SMARCC1: variants seen among roughly 807,000 people sequenced by gnomAD.
SMARCC1 encodes SWI/SNF related BAF chromatin remodeling complex subunit C1, also known as SWI/SNF complex subunit SMARCC1.
SMARCC1 carries 43 observed loss-of-function variants against 147.4 expected under a neutral mutation model. That is an observed-to-expected ratio of 0.29 (90% CI 0.23 to 0.38). The LOEUF is 0.38. SMARCC1 is among the 10% of genes least tolerant of loss of function. SMARCC1 has a pLI of 1.00. For missense variants in SMARCC1, 1,119 were observed against 1,381.1 expected (o/e 0.81, Z 3.01); for synonymous variants, 495 against 484.4 (o/e 1.02, Z -0.29).
intron 27 of SMARCC1, among the ~76,000 whole-genome samples, chr3:47,589,176 T>C (rs1310211329): frequency 6.6e-6 from 1 of 152,124 alleles, no homozygotes; most frequent in Non-Finnish European, 1.5e-5. Context: ...GTGGAGGAAA[T>C]GAAGGGCTGA....
At chr3:47,770,873 G>A (rs1368669734) in intron 2 of SMARCC1, among the ~76,000 whole-genome samples, 2 of 151,920 alleles carry the variant, frequency 1.3e-5, no homozygotes, top group Non-Finnish European at 2.9e-5. Context: ...CACATTTACA[G>A]CAAGATCACC....
chr3:47,644,362 G>T (rs1350582218), intron 21 of SMARCC1, among the ~76,000 whole-genome samples: 1 of 152,026 alleles, frequency 6.6e-6, no homozygotes, highest in Non-Finnish European at 1.5e-5. Context: ...TGAGCACAGC[G>T]GCATACACCT....
At position 47,586,078 on chromosome 3, in the gene SMARCC1, G is replaced by A. The variant is rs1458331712; in HGVS notation, c.*2131C>T. 1 of 152,248 alleles carries A rather than the reference G, an allele frequency of 6.6e-6. No individual in the cohort carries two copies. The highest frequency in any genetic ancestry group is 2.4e-5 in the African/African-American group (1 of 41,300). 9.4% of individuals were successfully genotyped at this position (152,248 alleles called of 1,614,324 possible). A position where few individuals can be genotyped will look rare whatever the true frequency, so the allele number is the denominator to read the frequency against. ...CACAAAATCAGGTGGCTGAATTACAGGAATAAAACCAGATCAAAGACATGA... is the reference window on the plus strand; with the variant it reads ...CACAAAATCAGGTGGCTGAATTACAAGAATAAAACCAGATCAAAGACATGA... On this transcript the variant is annotated 3_prime_UTR_variant, in exon 28 of 28. Coordinates refer to ENST00000254480, the MANE Select transcript of SMARCC1 (RefSeq NM_003074.4).
chr3:47,652,850 T>C (rs990291425), intron 21 of SMARCC1, among the ~76,000 whole-genome samples: 3 of 152,146 alleles, frequency 2.0e-5, no homozygotes, highest in Non-Finnish European at 4.4e-5. Context: ...AAGAAGACCC[T>C]TCTCATAAGA....
chr3:47,640,705 A>G (rs1009076869), intron 21 of SMARCC1, among the ~76,000 whole-genome samples: 7 of 152,182 alleles, frequency 4.6e-5, no homozygotes, highest in Non-Finnish European at 1.0e-4. Context: ...ATAGAAAAAG[A>G]GGGAATTCCC....
chr3:47,690,546 G>C (rs1301331679), intron 12 of SMARCC1, among the ~76,000 whole-genome samples: 2 of 152,172 alleles, frequency 1.3e-5, no homozygotes, highest in Non-Finnish European at 2.9e-5. Context: ...ATGAATAAAG[G>C]CTGAGCAAAA....
chr3:47,775,382 G>A (rs1387739426), intron 1 of SMARCC1, among the ~76,000 whole-genome samples: 3 of 149,880 alleles, frequency 2.0e-5, no homozygotes, highest in East Asian at 4.1e-4. Flanking sequence ...GGATGGTCTC[G>A]ATCTCCTGAC....
At chr3:47,683,532 T>C (rs545916454) in intron 14 of SMARCC1, among the ~76,000 whole-genome samples, 9 of 152,202 alleles carry the variant, frequency 5.9e-5, no homozygotes, top group South Asian at 4.1e-4. Flanking sequence ...ACGGTAATCA[T>C]TGAGAGCAGG....
At chr3:47,666,738 T>G (rs11923527) in intron 19 of SMARCC1, among the ~76,000 whole-genome samples, 2,549 of 152,276 alleles carry the variant, frequency 0.017, 84 homozygotes, top group African/African-American at 0.058. Flanking sequence ...GGGGGATTTT[T>G]TTTTAAGCTC....
chr3:47,779,829 G>C (rs1341922414), intron 1 of SMARCC1, among the ~76,000 whole-genome samples: 1 of 152,136 alleles, frequency 6.6e-6, no homozygotes, highest in Non-Finnish European at 1.5e-5. Flanking sequence ...CTTTGTTAAA[G>C]CTTCACTGAA....
intron 14 of SMARCC1, among the ~76,000 whole-genome samples, chr3:47,682,978 T>C (rs909160906): frequency 2.6e-5 from 4 of 152,360 alleles, no homozygotes; most frequent in East Asian, 1.9e-4. Flanking sequence ...TTCAAAGATA[T>C]GCACTTATTC....
chr3:47,670,824 G>A, intron 18 of SMARCC1, 107 bp from the exon 19 acceptor site: 1 of 749,812 alleles, frequency 1.3e-6, no homozygotes, highest in Non-Finnish European at 2.4e-6. Flanking sequence ...AAACTATCAT[G>A]GTAAGTCTTT....
intron 26 of SMARCC1, among the ~76,000 whole-genome samples, chr3:47,609,851 T>C (rs1418879108): frequency 6.6e-6 from 1 of 152,158 alleles, no homozygotes; most frequent in Non-Finnish European, 1.5e-5. Context: ...GAGGCTGACC[T>C]ACTCAACAAA....
chr3:47,773,023 T>TA, intron 1 of SMARCC1, 87 bp from the exon 2 acceptor site: 2 of 1,202,644 alleles, frequency 1.7e-6, no homozygotes, highest in Non-Finnish European at 2.4e-6. Flanking sequence ...ACTAAGTACT[T>TA]ACGTTATGGG....
chr3:47,606,484 C>G (rs147156888), intron 26 of SMARCC1, among the ~76,000 whole-genome samples: 5 of 152,150 alleles, frequency 3.3e-5, no homozygotes, highest in African/African-American at 7.2e-5. Flanking sequence ...CATACAAACA[C>G]CCATTATCAT....
At chr3:47,601,050 A>G (rs1354859176) in intron 26 of SMARCC1, among the ~76,000 whole-genome samples, 1 of 146,486 alleles carries the variant, frequency 6.8e-6, no homozygotes, top group Non-Finnish European at 1.5e-5. Context: ...AGAGAGAGAC[A>G]TGGCATCAAA....
intron 21 of SMARCC1, among the ~76,000 whole-genome samples, chr3:47,657,999 C>A (rs1576401360): frequency 1.3e-5 from 2 of 151,490 alleles, no homozygotes; most frequent in South Asian, 4.2e-4. Flanking sequence ...CAAATTTAAC[C>A]CAAAGCAAGC....
intron 6 of SMARCC1, among the ~76,000 whole-genome samples, chr3:47,728,783 C>A (rs1206470598): frequency 6.6e-6 from 1 of 152,054 alleles, no homozygotes; most frequent in East Asian, 1.9e-4. Flanking sequence ...TGGTGGTGGG[C>A]GCCTATATTC....
Position 47,644,075 on chromosome 3 carries a change from G to C in SMARCC1, c.2321-5295C>G, listed in dbSNP as rs888666798. The stretch of plus-strand genomic sequence containing the variant: ...GGTGATACGGTGGTCCTGGCTACTT[G>C]GGAGGCCGAGGAAAAGGGACTGCTT... On this transcript the variant is annotated intron_variant, in intron 21 of 27. Transcript: ENST00000254480. Among the ~76,000 whole-genome samples the C allele has an allele frequency of 5.9e-5, 9 of 152,036 alleles. No individual in the cohort carries two copies. The East Asian group carries it at 1.5e-3, about 26-fold the overall frequency.
Sources: allele counts gnomAD v4.1 joint callset (sites outside exome capture counted in the v4.1 genomes callset), GRCh38; gene constraint gnomAD v4.1.1; transcripts MANE v1.5; gene names NCBI Gene and HGNC (gene_info 2026-07-23, HGNC 2026-07-21).